Variants in DNAI7 observed in about 807,000 individuals in gnomAD.
The protein encoded by DNAI7 is dynein axonemal intermediate chain 7, also known as cancer susceptibility 1.
In DNAI7, 78 loss-of-function variants were observed where a neutral mutation model predicts 86.6. The observed-to-expected ratio is 0.90, with a 90% CI of 0.75 to 1.09. The LOEUF is 1.09. DNAI7 is among the 50% of genes least tolerant of loss of function. DNAI7 has a pLI of 0.00. For synonymous variants in DNAI7, 274 were observed against 273.0 expected (o/e 1.00, Z -0.04); for missense variants, 753 against 810.2 (o/e 0.93, Z 0.86).
intron 2 of DNAI7, among the ~76,000 whole-genome samples, chr12:25,165,459 T>C (rs1947348669): frequency 6.6e-6 from 1 of 152,204 alleles, no homozygotes; most frequent in Non-Finnish European, 1.5e-5. Flanking sequence ...AAGGAATGCC[T>C]ACAGCCCAGG....
intron 3 of DNAI7, among the ~76,000 whole-genome samples, chr12:25,160,485 T>A (rs779231025): frequency 7.9e-5 from 12 of 152,206 alleles, no homozygotes; most frequent in African/African-American, 2.4e-4. Flanking sequence ...CTCATTCCGA[T>A]TACCTGCTAC....
downstream of DNAI7, chr12:25,107,779 T>G (rs756380140): frequency 1.3e-6 from 2 of 1,593,332 alleles, no homozygotes; most frequent in South Asian, 2.2e-5. Flanking sequence ...TAATGACAAA[T>G]TACCGATTAC....
chr12:25,116,200 G>A (rs1399051377), intron 12 of DNAI7, among the ~76,000 whole-genome samples: 1 of 150,578 alleles, frequency 6.6e-6, no homozygotes, highest in Non-Finnish European at 1.5e-5. Flanking sequence ...GCTCTCGATT[G>A]GAGGGTTCTG....
Position 25,154,312 on chromosome 12 carries a change from T to C in DNAI7, c.438+7A>G. 2 of 1,587,044 alleles carry C rather than the reference T, an allele frequency of 1.3e-6. No homozygotes were observed. The highest frequency in any genetic ancestry group is 1.7e-6 in the Non-Finnish European group (2 of 1,173,594). On this transcript the variant is annotated splice_region_variant and intron_variant, in intron 6 of 15. Coordinates refer to ENST00000395987, the MANE Select transcript of DNAI7 (RefSeq NM_018272.5). ...GCCAGTTTATAGGAAAATGCATAAA[T>C]ACCTACATTTAGCACTACTTTACTC...
intron 10 of DNAI7, among the ~76,000 whole-genome samples, chr12:25,122,988 T>C (rs1053100412): frequency 2.6e-5 from 4 of 152,176 alleles, no homozygotes; most frequent in African/African-American, 4.8e-5. Flanking sequence ...AACAAAAACA[T>C]TTGTATAATA....
chr12:25,119,961 C>A (rs942943613), intron 11 of DNAI7, among the ~76,000 whole-genome samples: 1 of 151,996 alleles, frequency 6.6e-6, no homozygotes, highest in South Asian at 2.1e-4. Flanking sequence ...ATGAGGAAAG[C>A]CTCTTTGTTG....
chr12:25,194,832 C>A (rs968832264), intron 1 of DNAI7: 1 of 1,562,108 alleles, frequency 6.4e-7, no homozygotes, highest in Non-Finnish European at 8.8e-7. Context: ...ATCAGGATAC[C>A]GTGTGACAGC....
chr12:25,173,924 T>TCATATATA (rs1213041098), intron 2 of DNAI7, among the ~76,000 whole-genome samples: 1,732 of 16,788 alleles, frequency 0.1, 31 homozygotes, highest in Middle Eastern at 0.3. Flanking sequence ...GGAATATATA[T>TCATATATA]ATCATATATA....
intron 9 of DNAI7, among the ~76,000 whole-genome samples, chr12:25,143,061 A>T (rs1429527440): frequency 4.6e-5 from 7 of 152,186 alleles, no homozygotes; most frequent in African/African-American, 1.7e-4. Context: ...AAAAATGACA[A>T]ATTTTTAAAG....
At chr12:25,190,104 TA>T (rs1950387116) in intron 2 of DNAI7, among the ~76,000 whole-genome samples, 2 of 151,434 alleles carry the variant, frequency 1.3e-5, no homozygotes, top group Non-Finnish European at 2.9e-5. Context: ...ATCTACAAAG[TA>T]AAGAGAGAAA....
chr12:25,178,578 G>A (rs1447475123), intron 2 of DNAI7, among the ~76,000 whole-genome samples: 1 of 152,006 alleles, frequency 6.6e-6, no homozygotes, highest in Non-Finnish European at 1.5e-5. Context: ...TCTTATTTGA[G>A]ATATAAAAGT....
At chr12:25,182,605 T>TACACACACACACAC (rs71065917) in intron 2 of DNAI7, among the ~76,000 whole-genome samples, 11,775 of 131,992 alleles carry the variant, frequency 0.089, 649 homozygotes, top group African/African-American at 0.11. Context: ...TGAGACTGTC[T>TACACACACACACAC]ACACACACAC....
intron 8 of DNAI7, 112 bp downstream of exon 8, chr12:25,146,889 G>T: frequency 1.6e-6 from 1 of 615,862 alleles, no homozygotes; most frequent in Admixed American, 3.0e-5. Context: ...TTCCTGAAAT[G>T]GGCTTTTCCA....
intron 2 of DNAI7, among the ~76,000 whole-genome samples, chr12:25,172,202 TA>T (rs1319374530): frequency 6.6e-6 from 1 of 152,082 alleles, no homozygotes; most frequent in African/African-American, 2.4e-5. Flanking sequence ...TATGATAGTT[TA>T]CCCTGAAAAC....
chr12:25,134,352 C>T (rs371548192), intron 9 of DNAI7, among the ~76,000 whole-genome samples: 10 of 91,158 alleles, frequency 1.1e-4, no homozygotes, highest in East Asian at 1.1e-3. Flanking sequence ...CCTTGGCGTA[C>T]TTTTTTTTTT....
intron 2 of DNAI7, among the ~76,000 whole-genome samples, chr12:25,167,041 T>C (rs1337801794): frequency 6.6e-6 from 1 of 152,122 alleles, no homozygotes; most frequent in Non-Finnish European, 1.5e-5. Flanking sequence ...CCCATGACTG[T>C]ATCTCTCTGA....
intron 3 of DNAI7, 115 bp downstream of exon 3, chr12:25,160,998 A>T: frequency 1.4e-6 from 1 of 733,274 alleles, no homozygotes. Context: ...CTATTATAAA[A>T]CAGATTAAAT....
downstream of DNAI7, chr12:25,107,143 A>AGACAT: frequency 1.8e-6 from 1 of 540,910 alleles, no homozygotes; most frequent in Middle Eastern, 3.2e-4. Context: ...AATTACTAAA[A>AGACAT]GACATGCCAA....
intron 9 of DNAI7, among the ~76,000 whole-genome samples, chr12:25,129,751 TTTTTA>T (rs1194304126): frequency 6.1e-5 from 8 of 131,066 alleles, no homozygotes; most frequent in African/African-American, 1.0e-4. Flanking sequence ...TTTGGGTTTA[TTTTTA>T]TTTTATTTTT....
Sources: gnomAD v4.1 joint callset for allele counts (sites outside exome capture counted in the v4.1 genomes callset) on GRCh38, gnomAD v4.1.1 for gene constraint, MANE v1.5 for transcripts, NCBI Gene and HGNC (gene_info 2026-07-23, HGNC 2026-07-21) for gene names.